The following RBM41 variants were observed in gnomAD, a reference collection of about 807,000 sequenced individuals.
RBM41 encodes RNA-binding protein 41.
In RBM41, 14 loss-of-function variants were observed where a neutral mutation model predicts 30.8. The observed-to-expected ratio is 0.45, with a 90% confidence interval of 0.30 to 0.71. The LOEUF is 0.71. RBM41 is among the 30% of genes least tolerant of loss of function. The pLI, the probability that RBM41 is intolerant of heterozygous loss-of-function variation, is 0.08. For missense variants in RBM41, 276 were observed against 326.3 expected, an observed-to-expected ratio of 0.85 and a Z score of 1.19; for synonymous variants, 120 against 110.1, an observed-to-expected ratio of 1.09 and a Z score of -0.56.
intron 5 of RBM41, among the ~76,000 whole-genome samples, chrX:107,106,462 G>A (rs1019475864): frequency 6.3e-5 from 7 of 111,356 alleles, no homozygotes; most frequent in African/African-American, 1.3e-4. Context: ...TCAGTGTGGC[G>A]ATTCCTCAGG....
At chrX:107,095,079 A>G (rs977646073) in intron 5 of RBM41, among the ~76,000 whole-genome samples, 1 of 107,372 alleles carries the variant, frequency 9.3e-6, no homozygotes, top group Non-Finnish European at 1.9e-5. Flanking sequence ...GACTGGGAAC[A>G]AGGTAAGGAT....
chrX:107,081,425 G>C (rs1452993049), intron 6 of RBM41, among the ~76,000 whole-genome samples: 2 of 111,418 alleles, frequency 1.8e-5, no homozygotes, highest in Admixed American at 9.5e-5. Flanking sequence ...CTTGATTATA[G>C]TAACTCTTGA....
chrX:107,089,107 T>C (rs955379163), intron 5 of RBM41, among the ~76,000 whole-genome samples: 5 of 111,841 alleles, frequency 4.5e-5, no homozygotes, highest in Non-Finnish European at 9.4e-5. Flanking sequence ...TTTAAAAACA[T>C]ATAAGCAATA....
Position 107,067,553 on chromosome X carries a change from T to A in RBM41, c.1288A>T (p.Ser430Cys), listed in dbSNP as rs934320252. 24 of 1,207,803 alleles carry A rather than the reference T, an allele frequency of 2.0e-5. No homozygotes were observed. The highest frequency in any genetic ancestry group is 2.6e-5 in the Non-Finnish European group (23 of 893,998). Reference protein sequence around the residue: ...ATSLISCATGSTTEISGS With the variant: ...ATSLISCATGCTTEISGS ...TAGCTACCACTAATTTCTGTAGTGC[T>A]ACCTGTAGCACATGATATGAGAGAA... Residue 430 changes from serine (S) to cysteine (C), a missense_variant, in exon 8 of 8, where the codon AGC becomes TGC. Coordinates refer to ENST00000685964, the MANE Select transcript of RBM41 (RefSeq NM_001324242.2).
chrX:107,116,755 C>T lies in RBM41; in HGVS notation c.20G>A (p.Cys7Tyr). The part of the protein sequence containing the change: MKRVNS[C>Y]VKSDEHVLEE... ...CAGGACATGCTCATCACTCTTCACA[C>T]AGCTGTTTACCCTGGAGTAGACATA... The change falls in exon 2 of 8, where the codon TGT (cysteine) becomes TAT (tyrosine). Residue 7 changes from cysteine to tyrosine, a missense_variant. By Grantham distance (194) the Cys-to-Tyr change is radical (BLOSUM62 -2). Coordinates refer to ENST00000685964, the MANE Select transcript of RBM41 (RefSeq NM_001324242.2). The T allele has an allele frequency of 8.3e-7, 1 of 1,209,333 alleles. No individual in the cohort carries two copies. The highest frequency in any genetic ancestry group is 1.1e-6 in the Non-Finnish European group (1 of 894,425).
At chrX:107,070,971 G>A (rs2147879007) in intron 6 of RBM41, among the ~76,000 whole-genome samples, 1 of 108,150 alleles carries the variant, frequency 9.2e-6, no homozygotes, top group South Asian at 4.2e-4. Flanking sequence ...GATTACTGGA[G>A]CTCAGGAGTT....
At position 107,116,771 on chromosome X, in the gene RBM41, A is replaced by G. The variant is rs779746354; in HGVS notation, c.9-5T>C. ...CTCTTCACACAGCTGTTTACCCTGG[A>G]GTAGACATAAGAATATATACAGAAA... On this transcript the variant is annotated splice_polypyrimidine_tract_variant and splice_region_variant and intron_variant, in intron 1 of 7. Transcript: ENST00000685964. The G allele has an allele frequency of 7.5e-6, 9 of 1,199,611 alleles. No homozygotes were observed. The highest frequency in any genetic ancestry group is 9.0e-6 in the Non-Finnish European group (8 of 887,342).
At chrX:107,055,694 AATCT>A in the RBM41 span, among the ~76,000 whole-genome samples, 1 of 112,337 alleles carries the variant, frequency 8.9e-6, no homozygotes, top group Non-Finnish European at 1.9e-5. Context: ...TTGAACAGCC[AATCT>A]GTTTTCCATA....
chrX:107,069,617 G>A (rs1029008976), intron 6 of RBM41: 5 of 285,012 alleles, frequency 1.8e-5, no homozygotes, highest in Non-Finnish European at 2.4e-5. Flanking sequence ...ACCACACCTG[G>A]CTAATTTTTG....
At chrX:107,114,916 CCT>C (rs747268006) in intron 4 of RBM41, 1 of 122,859 alleles carries the variant, frequency 8.1e-6, no homozygotes, top group South Asian at 3.0e-4. Context: ...AGTGTCACCT[CCT>C]GTCATTCCCT....
At chrX:107,058,293 C>CA (rs201428990), downstream of RBM41, among the ~76,000 whole-genome samples, 1,562 of 44,714 alleles carry the variant, frequency 0.035, 41 homozygotes, top group Middle Eastern at 0.064. Flanking sequence ...AACTCCGTCT[C>CA]AAAAAAAAAA....
intron 1 of RBM41, among the ~76,000 whole-genome samples, chrX:107,117,685 A>C (rs961235894): frequency 8.9e-6 from 1 of 112,020 alleles, no homozygotes; most frequent in African/African-American, 3.2e-5. Context: ...CTTCAAATAC[A>C]TGACTAGGAA....
At chrX:107,084,878 A>G (rs1358121516) in intron 6 of RBM41, among the ~76,000 whole-genome samples, 1 of 112,506 alleles carries the variant, frequency 8.9e-6, no homozygotes, top group Non-Finnish European at 1.9e-5. Flanking sequence ...AGGACTTCAC[A>G]TGTTGAAGCT....
intron 6 of RBM41, among the ~76,000 whole-genome samples, chrX:107,078,723 A>C (rs1455554843): frequency 9.0e-6 from 1 of 110,763 alleles, no homozygotes; most frequent in Non-Finnish European, 1.9e-5. Flanking sequence ...AAATATCCCC[A>C]ATGTCAAAAA....
intron 6 of RBM41, among the ~76,000 whole-genome samples, chrX:107,085,040 A>C (rs1489517081): frequency 2.7e-5 from 3 of 110,818 alleles, no homozygotes; most frequent in African/African-American, 9.8e-5. Flanking sequence ...ACTCCTGCTG[A>C]TGAACAATGC....
chrX:107,062,156 A>T lies in RBM41; in HGVS notation c.*5371T>A, dbSNP rs767931820. 8.9e-6 allele frequency among the ~76,000 whole-genome samples: 1 copy of T among 112,307 alleles called. No individual in the cohort carries two copies. Among genetic ancestry groups the T allele is most frequent in the East Asian group, 2.8e-4 (1 of 3,573 alleles). Reference sequence around the variant, plus strand: ...TGAGAAAATAATATGAATGGAATCAAACAGTAAGCAGCCTTTTGAGTTTGG... The same window carrying T: ...TGAGAAAATAATATGAATGGAATCATACAGTAAGCAGCCTTTTGAGTTTGG... On this transcript the variant is annotated 3_prime_UTR_variant, in exon 8 of 8. Coordinates refer to ENST00000685964, the MANE Select transcript of RBM41 (RefSeq NM_001324242.2).
intron 5 of RBM41, among the ~76,000 whole-genome samples, chrX:107,091,118 A>G (rs1355711142): frequency 9.0e-6 from 1 of 111,656 alleles, no homozygotes; most frequent in Non-Finnish European, 1.9e-5. Flanking sequence ...TAAAGAGAAA[A>G]GTAAACCATG....
chrX:107,058,226 G>T (rs750138729), downstream of RBM41, among the ~76,000 whole-genome samples: 1 of 104,802 alleles, frequency 9.5e-6, no homozygotes, highest in African/African-American at 3.5e-5. Context: ...CTGGGAGGCG[G>T]AGGTTGCAGT....
At chrX:107,082,222 C>T (rs771314578) in intron 6 of RBM41, among the ~76,000 whole-genome samples, 2 of 111,182 alleles carry the variant, frequency 1.8e-5, no homozygotes, top group South Asian at 3.7e-4. Context: ...TATCATGAAT[C>T]GATGTTAAGA....
Sources: gnomAD v4.1 joint callset for allele counts (sites outside exome capture counted in the v4.1 genomes callset) on GRCh38, gnomAD v4.1.1 for gene constraint, MANE v1.5 for transcripts, NCBI Gene and HGNC (gene_info 2026-07-23, HGNC 2026-07-21) for gene names.